The following RIPK2 variants were observed in gnomAD, a reference collection of about 807,000 sequenced individuals.
RIPK2 encodes the protein receptor-interacting serine/threonine-protein kinase 2.
A neutral mutation model predicts 60.9 loss-of-function variants in RIPK2; 38 were observed. That is an observed-to-expected ratio of 0.62 (90% CI 0.48 to 0.82). The LOEUF is 0.82. Ranked by LOEUF, RIPK2 falls within the 40% of genes least tolerant of loss-of-function variation. The pLI is 0.00. For synonymous variants in RIPK2, 225 were observed against 223.4 expected, an observed-to-expected ratio of 1.01 and a Z score of -0.06; for missense variants, 518 against 647.0, an observed-to-expected ratio of 0.80 and a Z score of 2.16.
chr8:89,773,448 G>A (rs925591133), intron 6 of RIPK2, among the ~76,000 whole-genome samples: 1 of 152,160 alleles, frequency 6.6e-6, no homozygotes, highest in African/African-American at 2.4e-5. Context: ...GGCCTGTGTG[G>A]CTGGAATACA....
At chr8:89,772,884 G>A in intron 6 of RIPK2, 56 bp downstream of exon 6, 1 of 1,213,554 alleles carries the variant, frequency 8.2e-7, no homozygotes, top group Non-Finnish European at 1.1e-6. Context: ...TTAATATACT[G>A]TGAATAAAAT....
At chr8:89,770,645 TCCTTTAAATGGCTTTTTGCCA>T (rs1204508430) in intron 4 of RIPK2, among the ~76,000 whole-genome samples, 7 of 151,706 alleles carry the variant, frequency 4.6e-5, no homozygotes, top group Non-Finnish European at 1.0e-4. Flanking sequence ...CATTTTATAG[TCCTTTAAATGGCTTTTTGCCA>T]TCTTTAATAA....
chr8:89,772,869 A>G, intron 6 of RIPK2, 41 bp downstream of exon 6: 2 of 1,335,000 alleles, frequency 1.5e-6, no homozygotes, highest in Non-Finnish European at 2.0e-6. Context: ...GAATTACAGA[A>G]TTAGTTAATA....
chr8:89,779,602 G>A (rs1202638456), intron 6 of RIPK2, among the ~76,000 whole-genome samples: 1 of 152,090 alleles, frequency 6.6e-6, no homozygotes, highest in Non-Finnish European at 1.5e-5. Flanking sequence ...TTACAGGTGT[G>A]AGCCACCATG....
chr8:89,761,630 T>C (rs1029335907), intron 1 of RIPK2, among the ~76,000 whole-genome samples: 1 of 151,914 alleles, frequency 6.6e-6, no homozygotes, highest in Non-Finnish European at 1.5e-5. Context: ...ACCAGGTACA[T>C]TGGCACACCC....
chr8:89,790,063 C>T lies in RIPK2; in HGVS notation c.1286-16C>T. The T allele has an allele frequency of 6.3e-7, 1 of 1,579,898 alleles. No individual in the cohort carries two copies. Among genetic ancestry groups the T allele is most frequent in the Non-Finnish European group, 8.6e-7 (1 of 1,158,362 alleles). On this transcript the variant is annotated splice_polypyrimidine_tract_variant and intron_variant, in intron 10 of 10. Coordinates refer to ENST00000220751, the MANE Select transcript of RIPK2 (RefSeq NM_003821.6). The stretch of plus-strand genomic sequence containing the variant: ...GTCCTCACCTTTTAAATTATTCATT[C>T]CTTGTTCTTTTTCAGAACGTCTGCA...
rs569574589 is a variant in RIPK2 at position 89,770,006 on chromosome 8, A to G, written c.641+77A>G. On this transcript the variant is annotated intron_variant, in intron 4 of 10. Coordinates refer to ENST00000220751, the MANE Select transcript of RIPK2 (RefSeq NM_003821.6). ...TAGTCAACCAGAATTTTGAAGCTAC[A>G]TTTTAAACTGTGATTTTTATTCTTC... is the stretch of plus-strand genomic sequence containing the variant. 5.0e-4 allele frequency: 565 copies of G among 1,124,754 alleles called. 1 individual carries two copies. The highest frequency in any genetic ancestry group is 5.3e-4 in the Non-Finnish European group (428 of 801,068). The allele number at this position is 1,124,754 out of a possible 1,614,324, so 69.7% of individuals were successfully genotyped here. A position where few individuals can be genotyped will look rare whatever the true frequency, so the allele number is the denominator to read the frequency against.
chr8:89,789,999 A>G, intron 10 of RIPK2, 80 bp from the exon 11 acceptor site: 1 of 1,015,654 alleles, frequency 9.8e-7, no homozygotes, highest in Admixed American at 2.6e-5. Flanking sequence ...TTTATGCTTT[A>G]TTTATTTTTC....
intron 7 of RIPK2, among the ~76,000 whole-genome samples, chr8:89,782,017 G>C (rs548497911): frequency 6.6e-6 from 1 of 152,330 alleles, no homozygotes; most frequent in African/African-American, 2.4e-5. Flanking sequence ...ATAGCTGGGT[G>C]TGGTGGCACA....
rs934708180 is a variant in RIPK2 at position 89,783,904 on chromosome 8, C to T, written c.940-146C>T. The T allele has an allele frequency of 8.5e-5, 39 of 458,690 alleles. No homozygotes were observed. In the East Asian group the frequency reaches 1.3e-3, roughly 16 times the overall value. The allele number at this position is 458,690 out of a possible 1,614,324, so 28.4% of individuals were successfully genotyped here. A position where few individuals can be genotyped will look rare whatever the true frequency, so the allele number is the denominator to read the frequency against. ...TCCCGTTCTACACTGTCTTTTCCTT[C>T]AGTTATATGTTATATTCTCAACTCT... On this transcript the variant is annotated intron_variant, in intron 7 of 10. Transcript: ENST00000220751.
chr8:89,790,728 A>G lies in RIPK2; in HGVS notation c.*312A>G, dbSNP rs1366456566. 2 of 224,328 alleles carry G rather than the reference A, an allele frequency of 8.9e-6. No individual in the cohort carries two copies. The highest frequency in any genetic ancestry group is 1.8e-5 in the Non-Finnish European group (2 of 113,502). 13.9% of individuals were successfully genotyped at this position (224,328 alleles called of 1,614,324 possible). On this transcript the variant is annotated 3_prime_UTR_variant, in exon 11 of 11. Coordinates refer to ENST00000220751, the MANE Select transcript of RIPK2 (RefSeq NM_003821.6). ...TCTGATGGAAGCCATTTTCACATTC[A>G]TGTTCTTCATGGATTATTTGTTACT...
At chr8:89,763,438 A>G (rs1046818324) in intron 2 of RIPK2, among the ~76,000 whole-genome samples, 10 of 152,156 alleles carry the variant, frequency 6.6e-5, no homozygotes, top group Admixed American at 5.9e-4. Context: ...TAGCTTTTCT[A>G]ATAATAGACA....
Position 89,769,939 on chromosome 8 carries a change from A to G in RIPK2, c.641+10A>G. 1 of 1,566,740 alleles carries G rather than the reference A, an allele frequency of 6.4e-7. No homozygotes were observed. Among genetic ancestry groups the G allele is most frequent in the Non-Finnish European group, 8.6e-7 (1 of 1,161,914 alleles). The stretch of plus-strand genomic sequence containing the variant: ...AGCACGATATATATAGGTAGAGTAA[A>G]GTTGCTTCTGCTCAGATTTAACCTT... On this transcript the variant is annotated intron_variant, in intron 4 of 10. Coordinates refer to ENST00000220751, the MANE Select transcript of RIPK2 (RefSeq NM_003821.6).
At chr8:89,784,007 C>T in intron 7 of RIPK2, 43 bp from the exon 8 acceptor site, 1 of 1,030,384 alleles carries the variant, frequency 9.7e-7, no homozygotes, top group Non-Finnish European at 1.5e-6. Flanking sequence ...ATTTCCTAAT[C>T]ATCTCCAGTT....
At chr8:89,785,611 G>A (rs979581580) in intron 8 of RIPK2, among the ~76,000 whole-genome samples, 1 of 151,884 alleles carries the variant, frequency 6.6e-6, no homozygotes, top group African/African-American at 2.4e-5. Flanking sequence ...TCCAAAATCT[G>A]AAAAAAATCC....
intron 4 of RIPK2, 22 bp from the exon 5 acceptor site, chr8:89,771,719 T>A: frequency 6.5e-7 from 1 of 1,540,496 alleles, no homozygotes; most frequent in East Asian, 2.3e-5. Context: ...ATATGTAACA[T>A]GTATGTTCTT....
chr8:89,769,775 G>T lies in RIPK2; in HGVS notation c.487G>T (p.Ala163Ser). The change falls in exon 4 of 11, where the codon GCA becomes TCA. Residue 163 changes from alanine (A) to serine (S), a missense_variant. Physicochemically the swap from Ala to Ser is moderately conservative, Grantham distance 99. This residue lies in a region of RIPK2 where 448 missense variants were observed against 534.7 expected (regional missense o/e 0.84). Transcript: ENST00000220751. Reference sequence around the variant, plus strand: ...TATTTGCTCTTGTCCCTTACAGATTGCAGATTTTGGTTTATCAAAGTGGCG... The same window carrying T: ...TATTTGCTCTTGTCCCTTACAGATTTCAGATTTTGGTTTATCAAAGTGGCG... Reference protein sequence around the residue: ...LLDNEFHVKIADFGLSKWRMM... With the variant: ...LLDNEFHVKISDFGLSKWRMM... The T allele has an allele frequency of 6.3e-7, 1 of 1,582,932 alleles. No individual in the cohort carries two copies. Among genetic ancestry groups the T allele is most frequent in the Non-Finnish European group, 8.6e-7 (1 of 1,167,392 alleles).
At chr8:89,763,997 G>C (rs555303090) in intron 2 of RIPK2, among the ~76,000 whole-genome samples, 1 of 151,912 alleles carries the variant, frequency 6.6e-6, no homozygotes, top group African/African-American at 2.4e-5. Flanking sequence ...TTTGCAGCTC[G>C]CTGGAAATTC....
chr8:89,770,315 C>A (rs1329846682), intron 4 of RIPK2, among the ~76,000 whole-genome samples: 1 of 151,796 alleles, frequency 6.6e-6, no homozygotes, highest in Non-Finnish European at 1.5e-5. Context: ...GATAAATAGA[C>A]AAACTCTTAA....
Sources: gnomAD v4.1 joint callset for allele counts (sites outside exome capture counted in the v4.1 genomes callset) on GRCh38, gnomAD v4.1.1 for gene constraint, gnomAD v4.1.1 regional missense constraint, MANE v1.5 for transcripts, NCBI Gene and HGNC (gene_info 2026-07-23, HGNC 2026-07-21) for gene names.